PCSK5: variants seen among roughly 807,000 people sequenced by gnomAD.
PCSK5 encodes the protein proprotein convertase subtilisin/kexin type 5.
In PCSK5, 129 loss-of-function variants were observed where a neutral mutation model predicts 233.2. That is an observed-to-expected ratio of 0.55 (90% CI 0.48 to 0.64). The LOEUF is 0.64. Among genes scored for constraint, PCSK5 ranks in the 30% least tolerant of loss-of-function variants. The pLI, the probability that PCSK5 is intolerant of heterozygous loss-of-function variation, is 0.00. For missense variants in PCSK5, 2,076 were observed against 2,430.1 expected (o/e 0.85, Z 3.06); for synonymous variants, 825 against 879.2 (o/e 0.94, Z 1.09).
chr9:76,351,447 GGAAA>G (rs771387185), intron 36 of PCSK5, among the ~76,000 whole-genome samples: 304 of 27,372 alleles, frequency 0.011, 1 homozygote, highest in African/African-American at 0.016. Context: ...GTGAAAGAAA[GGAAA>G]GAAAGAAAGA....
chr9:76,035,278 CTGTT>C (rs1343287886), intron 5 of PCSK5, among the ~76,000 whole-genome samples: 2 of 152,108 alleles, frequency 1.3e-5, no homozygotes, highest in Non-Finnish European at 2.9e-5. Flanking sequence ...GTCTAAATAC[CTGTT>C]TATTCTTTAA....
At chr9:75,919,549 A>C (rs1823152782) in intron 1 of PCSK5, among the ~76,000 whole-genome samples, 1 of 152,234 alleles carries the variant, frequency 6.6e-6, no homozygotes. Flanking sequence ...AGTATTCCCA[A>C]CAATGTATGA....
rs1215041546 is a variant in PCSK5 at position 75,891,098 on chromosome 9, G to T, written c.-84G>T. 1.0e-5 allele frequency: 11 copies of T among 1,098,624 alleles called. No individual in the cohort carries two copies. The highest frequency in any genetic ancestry group is 6.6e-5 in the East Asian group (2 of 30,250). The allele number at this position is 1,098,624 out of a possible 1,614,324, so 68.1% of individuals were successfully genotyped here. On this transcript the variant is annotated 5_prime_UTR_variant, in exon 1 of 38. Coordinates refer to ENST00000674117, the MANE Select transcript of PCSK5 (RefSeq NM_001372043.1). Reference sequence around the variant, plus strand: ...GGCGGCCCGGGGCTGCTCGCCGGGCGGCGCAGGCCGGAGAAGTTAGTTGTG... The same window carrying T: ...GGCGGCCCGGGGCTGCTCGCCGGGCTGCGCAGGCCGGAGAAGTTAGTTGTG...
chr9:76,288,348 C>T (rs1828152294), intron 24 of PCSK5, among the ~76,000 whole-genome samples: 1 of 152,144 alleles, frequency 6.6e-6, no homozygotes, highest in Non-Finnish European at 1.5e-5. Flanking sequence ...TGCTTGAGGT[C>T]AGGAGTTCAA....
At chr9:76,313,543 T>A (rs557017234) in intron 30 of PCSK5, among the ~76,000 whole-genome samples, 1 of 152,136 alleles carries the variant, frequency 6.6e-6, no homozygotes, top group Non-Finnish European at 1.5e-5. Flanking sequence ...AATGTGGTCT[T>A]TGAGCCAAGC....
At chr9:76,214,233 G>A (rs1459138272) in intron 20 of PCSK5, among the ~76,000 whole-genome samples, 2 of 152,004 alleles carry the variant, frequency 1.3e-5, no homozygotes, top group Non-Finnish European at 2.9e-5. Flanking sequence ...CAAGCAAATA[G>A]TTCCAGATTA....
chr9:76,198,187 A>T (rs1223794372), intron 20 of PCSK5, among the ~76,000 whole-genome samples: 1 of 152,160 alleles, frequency 6.6e-6, no homozygotes, highest in Non-Finnish European at 1.5e-5. Context: ...TGACTGGCTT[A>T]TTACCAAAGG....
At chr9:75,909,836 T>C (rs1488356977) in intron 1 of PCSK5, among the ~76,000 whole-genome samples, 4 of 152,234 alleles carry the variant, frequency 2.6e-5, no homozygotes, top group Admixed American at 6.5e-5. Flanking sequence ...GGCTGTGTTA[T>C]AAGATTGAAT....
chr9:76,181,401 C>T lies in PCSK5; in HGVS notation c.2007C>T (p.Ile669=). 2 of 1,612,048 alleles carry T rather than the reference C, an allele frequency of 1.2e-6. No individual in the cohort carries two copies. The highest frequency in any genetic ancestry group is 1.7e-6 in the Non-Finnish European group (2 of 1,179,074). The change falls in exon 16 of 38, where the codon ATC becomes ATT. Residue 669 remains isoleucine, a synonymous_variant. Coordinates refer to ENST00000674117, the MANE Select transcript of PCSK5 (RefSeq NM_001372043.1). ...YYYKLKNNTR[I]CVSSCPPGHY... ...TTCTTATTGTTTCACAATGCAGGAT[C>T]TGTGTCTCCAGCTGCCCCCCTGGCC...
intron 10 of PCSK5, among the ~76,000 whole-genome samples, chr9:76,154,176 T>C (rs1823786683): frequency 6.6e-6 from 1 of 152,174 alleles, no homozygotes; most frequent in Non-Finnish European, 1.5e-5. Flanking sequence ...ATTATATTAG[T>C]ATGAAGTTTT....
intron 1 of PCSK5, among the ~76,000 whole-genome samples, chr9:75,902,214 T>TAAAAAAAAAAAAAAAAAA (rs200579439): frequency 1.3e-4 from 7 of 53,284 alleles, no homozygotes; most frequent in Admixed American, 2.2e-4. Context: ...AGACACCATC[T>TAAAAAAAAAAAAAAAAAA]AAAAAAAAAA....
chr9:76,044,184 A>C (rs1829274494), intron 5 of PCSK5, among the ~76,000 whole-genome samples: 1 of 152,224 alleles, frequency 6.6e-6, no homozygotes, highest in Non-Finnish European at 1.5e-5. Flanking sequence ...AACGTAAGGA[A>C]CAACTTCAGA....
chr9:76,110,859 A>G (rs4745501), intron 9 of PCSK5, among the ~76,000 whole-genome samples: 75,866 of 152,114 alleles, frequency 0.5, 19,240 homozygotes, highest in East Asian at 0.74. Context: ...CTATAATCCC[A>G]GCACTTTGGG....
intron 1 of PCSK5, among the ~76,000 whole-genome samples, chr9:75,927,157 G>A (rs1049624207): frequency 6.6e-6 from 1 of 152,148 alleles, no homozygotes; most frequent in Non-Finnish European, 1.5e-5. Context: ...AGCCATTCTA[G>A]TGTGTGTGCA....
rs112458755 is a variant in PCSK5, at chr9:76,121,816, T to G, written c.1209-12293T>G. Among the ~76,000 whole-genome samples the G allele has an allele frequency of 9.7e-3, 54 of 5,588 alleles. 9 individuals are homozygous for G. The highest frequency in any genetic ancestry group is 0.049 in the African/African-American group (24 of 494). 3.7% of individuals were successfully genotyped at this position (5,588 alleles called of 152,430 possible). On this transcript the variant is annotated intron_variant, in intron 9 of 37. Transcript: ENST00000674117. ...TACTATAAACATCTCTTGTATTGGTTTTTTTTTTTTTTTTTTTTTTTTTTT... is the reference window on the plus strand; with the variant it reads ...TACTATAAACATCTCTTGTATTGGTGTTTTTTTTTTTTTTTTTTTTTTTTT...
chr9:76,184,094 A>G (rs961316534), intron 16 of PCSK5, among the ~76,000 whole-genome samples: 1 of 152,232 alleles, frequency 6.6e-6, no homozygotes, highest in Non-Finnish European at 1.5e-5. Flanking sequence ...AATAACATTT[A>G]TACCAATTCC....
chr9:75,977,945 G>A (rs1222927208), intron 2 of PCSK5, among the ~76,000 whole-genome samples: 2 of 152,052 alleles, frequency 1.3e-5, no homozygotes, highest in Non-Finnish European at 2.9e-5. Context: ...AAACAGAGAA[G>A]GGGTCAATGA....
intron 5 of PCSK5, among the ~76,000 whole-genome samples, chr9:76,060,316 G>C (rs1829981894): frequency 6.6e-6 from 1 of 152,100 alleles, no homozygotes; most frequent in South Asian, 2.1e-4. Flanking sequence ...TATGTTACAT[G>C]TATTATATAC....
intron 1 of PCSK5, among the ~76,000 whole-genome samples, chr9:75,896,936 C>G (rs1159688633): frequency 1.3e-5 from 2 of 152,170 alleles, no homozygotes; most frequent in African/African-American, 4.8e-5. Flanking sequence ...CCAATAAACT[C>G]TCCAATTTGA....
Sources: gnomAD v4.1 joint callset for allele counts (sites outside exome capture counted in the v4.1 genomes callset) on GRCh38, gnomAD v4.1.1 for gene constraint, MANE v1.5 for transcripts, NCBI Gene and HGNC (gene_info 2026-07-23, HGNC 2026-07-21) for gene names.